The following PCDHGA7 variants were observed in gnomAD, a reference collection of about 807,000 sequenced individuals.
PCDHGA7 encodes protocadherin gamma subfamily A, 7.
A neutral mutation model predicts 58.3 loss-of-function variants in PCDHGA7; 44 were observed. The ratio of observed to expected loss-of-function variants is 0.75; its 90% CI spans 0.59 to 0.97. The LOEUF is 0.97. Ranked by LOEUF, PCDHGA7 falls within the 50% of genes least tolerant of loss-of-function variation. The pLI, the probability that PCDHGA7 is intolerant of heterozygous loss-of-function variation, is 0.00. For synonymous variants in PCDHGA7, 516 were observed against 504.2 expected, an observed-to-expected ratio of 1.02 and a Z score of -0.31; for missense variants, 1,266 against 1,188.7, an observed-to-expected ratio of 1.06 and a Z score of -0.96.
At chr5:141,403,986 C>T in intron 1 of PCDHGA7, 1 of 1,613,704 alleles carries the variant, frequency 6.2e-7, no homozygotes, top group Non-Finnish European at 8.5e-7. Context: ...GACAATAGAC[C>T]TGAAGTGACC....
intron 2 of PCDHGA7, among the ~76,000 whole-genome samples, chr5:141,502,200 C>T (rs553356132): frequency 6.6e-6 from 1 of 152,252 alleles, no homozygotes; most frequent in African/African-American, 2.4e-5. Flanking sequence ...AATATAGAAT[C>T]CACCAGCAGA....
At position 141,382,796 on chromosome 5, in the gene PCDHGA7, G is replaced by T. The variant is rs1271325084; in HGVS notation, c.-104G>T. ...ACTAAACTCAAGCCTCTATCCTGCT[G>T]GATTCTGAGCTCCCCTTCCTAAGAC... On this transcript the variant is annotated 5_prime_UTR_variant, in exon 1 of 4. Transcript: ENST00000518325. 1 of 990,558 alleles carries T rather than the reference G, an allele frequency of 1.0e-6. No homozygotes were observed. Among genetic ancestry groups the T allele is most frequent in the Non-Finnish European group, 1.5e-6 (1 of 666,830 alleles). The allele number at this position is 990,558 out of a possible 1,614,324, so 61.4% of individuals were successfully genotyped here.
chr5:141,387,132 C>T lies in PCDHGA7; in HGVS notation c.2424+1809C>T, dbSNP rs180939160. Among the ~76,000 whole-genome samples, 392 of 152,234 alleles carry T rather than the reference C, an allele frequency of 2.6e-3. 2 individuals carry two copies. The highest frequency in any genetic ancestry group is 9.3e-3 in the African/African-American group (386 of 41,528). ...TATTCCTGTAATGAAATCACTGAAA[C>T]TATTGGGAAGGGGGTGTATTTGAAG... On this transcript the variant is annotated intron_variant, in intron 1 of 3. Coordinates refer to ENST00000518325, the MANE Select transcript of PCDHGA7 (RefSeq NM_018920.4).
At chr5:141,400,511 C>T (rs1456963604) in intron 1 of PCDHGA7, 2 of 1,613,824 alleles carry the variant, frequency 1.2e-6, no homozygotes, top group Admixed American at 3.3e-5. Flanking sequence ...GAGTCGACTT[C>T]CCATCCTGAG....
rs759346998 is a variant in PCDHGA7, at chr5:141,410,849, CTTTTTTTTTT to C, written c.2424+25539_2424+25548del. Reference sequence around the variant, plus strand: ...CAGACTGAAGATATTTTGTCTTTGTCTTTTTTTTTTTTTTTTTTTTTTGAGATGGAGTCTC... The same window carrying C: ...CAGACTGAAGATATTTTGTCTTTGTCTTTTTTTTTTTTGAGATGGAGTCTC... On this transcript the variant is annotated intron_variant, in intron 1 of 3. Coordinates refer to ENST00000518325, the MANE Select transcript of PCDHGA7 (RefSeq NM_018920.4). 8 of 138,182 alleles carry C rather than the reference CTTTTTTTTTT, an allele frequency of 5.8e-5. 2 individuals are homozygous for C. The highest frequency in any genetic ancestry group is 7.3e-5 in the Non-Finnish European group (6 of 82,424). 8.6% of individuals were successfully genotyped at this position (138,182 alleles called of 1,614,324 possible). A position where few individuals can be genotyped will look rare whatever the true frequency, so the allele number is the denominator to read the frequency against.
intron 1 of PCDHGA7, among the ~76,000 whole-genome samples, chr5:141,454,357 TAGAA>T (rs758087339): frequency 3.5e-4 from 54 of 152,354 alleles, no homozygotes; most frequent in Non-Finnish European, 6.3e-4. Context: ...GATCCAAACT[TAGAA>T]AGGAGTATGG....
At chr5:141,462,596 A>G (rs1260411284) in intron 1 of PCDHGA7, among the ~76,000 whole-genome samples, 5 of 151,922 alleles carry the variant, frequency 3.3e-5, no homozygotes, top group African/African-American at 1.2e-4. Flanking sequence ...TTTCCATTTC[A>G]TATATTGTAT....
rs759587995 is a variant in PCDHGA7, at chr5:141,491,802, G to T, written c.2425-3005G>T. On this transcript the variant is annotated intron_variant, in intron 1 of 3. Coordinates refer to ENST00000518325, the MANE Select transcript of PCDHGA7 (RefSeq NM_018920.4). The surrounding 1 kb of genome is among the most constrained non-coding windows in gnomAD (Gnocchi z 6.9). ...ACTTGCATCCACTCCTCTCCGGCCGGCTTGGTCGCTGGCTGCGCTCCACCC... is the reference window on the plus strand; with the variant it reads ...ACTTGCATCCACTCCTCTCCGGCCGTCTTGGTCGCTGGCTGCGCTCCACCC... 1 of 1,497,480 alleles carries T rather than the reference G, an allele frequency of 6.7e-7. No individual in the cohort carries two copies. Among genetic ancestry groups the T allele is most frequent in the East Asian group, 2.5e-5 (1 of 40,518 alleles). The allele number at this position is 1,497,480 out of a possible 1,614,324, so 92.8% of individuals were successfully genotyped here. A position where few individuals can be genotyped will look rare whatever the true frequency, so the allele number is the denominator to read the frequency against.
chr5:141,395,819 T>A (rs2093315125), intron 1 of PCDHGA7: 1 of 152,210 alleles, frequency 6.6e-6, no homozygotes, highest in Admixed American at 6.5e-5. Context: ...ATGAACAAAC[T>A]TTAAAGATGG....
rs201968743 is a variant in PCDHGA7, at chr5:141,490,095, A to G, written c.2425-4712A>G. On this transcript the variant is annotated intron_variant, in intron 1 of 3. Coordinates refer to ENST00000518325, the MANE Select transcript of PCDHGA7 (RefSeq NM_018920.4). The surrounding 1 kb of genome is among the most constrained non-coding windows in gnomAD (Gnocchi z 5.4). ...TAGACTATTCTTTTGGAGACCACAC[A>G]TCTGAGGCAGTGCGGAACCTCTTTG... 2.4e-4 allele frequency: 394 copies of G among 1,614,156 alleles called. No individual in the cohort carries two copies. The highest frequency in any genetic ancestry group is 3.1e-4 in the Non-Finnish European group (363 of 1,180,054).
rs561908431 is a variant in PCDHGA7, at chr5:141,510,639, TATC to T, written c.2573-304_2573-302del. Among the ~76,000 whole-genome samples the T allele has an allele frequency of 8.5e-3, 1,289 of 152,298 alleles. 6 individuals carry two copies. Among genetic ancestry groups the T allele is most frequent in the Middle Eastern group, 0.058 (17 of 294 alleles). On this transcript the variant is annotated intron_variant, in intron 3 of 3. Transcript: ENST00000518325. ...TAAAACCAGAAGAGGTGGTTACCAT[TATC>T]ATCCCCATTTTGCAGATGAGAAAAC...
At position 141,458,567 on chromosome 5, in the gene PCDHGA7, T is replaced by TTTTG. The variant is rs144471304; in HGVS notation, c.2425-36224_2425-36221dup. Among the ~76,000 whole-genome samples the TTTTG allele has an allele frequency of 8.6e-5, 13 of 151,610 alleles. No individual in the cohort carries two copies. The East Asian group carries it at 1.5e-3, about 18-fold the overall frequency. On this transcript the variant is annotated intron_variant, in intron 1 of 3. Coordinates refer to ENST00000518325, the MANE Select transcript of PCDHGA7 (RefSeq NM_018920.4). ...TTGTTTGTTTGTTTTGGTTTTGGGT[T>TTTTG]TTTGTTTGTTTGTTTGTTTTGGAGA...
chr5:141,394,361 G>A (rs2092984834), intron 1 of PCDHGA7: 15 of 1,614,072 alleles, frequency 9.3e-6, no homozygotes, highest in Non-Finnish European at 1.2e-5. Context: ...TCCTGTATGC[G>A]CTGCAATCTT....
At chr5:141,433,085 G>A in intron 1 of PCDHGA7, 1 of 1,614,170 alleles carries the variant, frequency 6.2e-7, no homozygotes, top group Non-Finnish European at 8.5e-7. Flanking sequence ...GCCCAACTAT[G>A]CAGACATGCT....
Position 141,477,230 on chromosome 5 carries a change from G to A in PCDHGA7, c.2425-17577G>A, listed in dbSNP as rs768648952. The A allele has an allele frequency of 1.3e-5, 21 of 1,614,164 alleles. No individual in the cohort carries two copies. The highest frequency in any genetic ancestry group is 1.8e-5 in the Non-Finnish European group (21 of 1,180,046). On this transcript the variant is annotated intron_variant, in intron 1 of 3. Coordinates refer to ENST00000518325, the MANE Select transcript of PCDHGA7 (RefSeq NM_018920.4). This position sits in a 1 kb window ranked among gnomAD's most constrained non-coding sequence, Gnocchi z 4.9. ...GGATGCCCCTCTGGGGACTGTCATC[G>A]CTTTGCTCAGTGTGACTGACCTGGA...
intron 1 of PCDHGA7, chr5:141,403,617 G>A (rs369607013): frequency 1.8e-4 from 288 of 1,613,738 alleles, no homozygotes; most frequent in East Asian, 1.0e-3. Context: ...GAGCCGCGTC[G>A]CTCCAGCACA....
rs1267722283 is a variant in PCDHGA7 at position 141,493,105 on chromosome 5, G to A, written c.2425-1702G>A. Reference sequence around the variant, plus strand: ...GAGCTTTTATTCAAAATATATCAATGCCTAACTCTGCTCCTAGGACTGTAT... The same window carrying A: ...GAGCTTTTATTCAAAATATATCAATACCTAACTCTGCTCCTAGGACTGTAT... On this transcript the variant is annotated intron_variant, in intron 1 of 3. Coordinates refer to ENST00000518325, the MANE Select transcript of PCDHGA7 (RefSeq NM_018920.4). This position sits in a 1 kb window ranked among gnomAD's most constrained non-coding sequence, Gnocchi z 4.3. Among the ~76,000 whole-genome samples, 1 of 152,076 alleles carries A rather than the reference G, an allele frequency of 6.6e-6. No homozygotes were observed. Among genetic ancestry groups the A allele is most frequent in the Non-Finnish European group, 1.5e-5 (1 of 67,994 alleles).
intron 1 of PCDHGA7, chr5:141,415,862 A>G: frequency 1.8e-6 from 2 of 1,107,350 alleles, no homozygotes; most frequent in Non-Finnish European, 1.2e-6. Flanking sequence ...TGTAGTTTAT[A>G]GTGTTGTTGA....
At chr5:141,403,261 G>A in intron 1 of PCDHGA7, 1 of 1,613,852 alleles carries the variant, frequency 6.2e-7, no homozygotes, top group East Asian at 2.2e-5. Flanking sequence ...CGCGGTGTCT[G>A]GTGAACTTTA....
Sources: gnomAD v4.1 joint callset for allele counts (sites outside exome capture counted in the v4.1 genomes callset) on GRCh38, gnomAD v4.1.1 for gene constraint, Gnocchi (gnomAD v3.1) non-coding constraint, MANE v1.5 for transcripts, NCBI Gene and HGNC (gene_info 2026-07-23, HGNC 2026-07-21) for gene names.